Variants in KLHL1 observed in about 807,000 individuals in gnomAD.
KLHL1 encodes the protein kelch like family member 1.
In KLHL1, 47 loss-of-function variants were observed where a neutral mutation model predicts 77.7. The ratio of observed to expected loss-of-function variants is 0.60; its 90% CI spans 0.48 to 0.77. The LOEUF (loss-of-function observed/expected upper bound fraction) is 0.77, where lower values mean the gene tolerates loss of function less well. Among genes scored for constraint, KLHL1 ranks in the 30% least tolerant of loss-of-function variants. KLHL1 has a pLI of 0.00. For missense variants in KLHL1, 925 were observed against 910.8 expected (o/e 1.02, Z -0.20); for synonymous variants, 360 against 325.2 (o/e 1.11, Z -1.15).
rs372280755 is a variant in KLHL1, at chr13:70,085,065, T to C, written c.497+22138A>G. ...TGAAGATGCTAAAATCATATATCCG[T>C]ATGTGACCATAAATATGGTGTATAA... On this transcript the variant is annotated intron_variant, in intron 1 of 10. Transcript: ENST00000377844. Among the ~76,000 whole-genome samples, 43 of 152,242 alleles carry C rather than the reference T, an allele frequency of 2.8e-4. No individual in the cohort carries two copies. The South Asian group carries it at 7.5e-3, about 26-fold the overall frequency.
chr13:70,071,042 G>A (rs987891374), intron 1 of KLHL1, among the ~76,000 whole-genome samples: 1 of 151,658 alleles, frequency 6.6e-6, no homozygotes, highest in African/African-American at 2.4e-5. Context: ...TTACAAACAT[G>A]GTAGGTAGAA....
chr13:69,825,287 C>G (rs1439164569), intron 6 of KLHL1, among the ~76,000 whole-genome samples: 1 of 151,972 alleles, frequency 6.6e-6, no homozygotes, highest in Non-Finnish European at 1.5e-5. Flanking sequence ...AGAAAGACAT[C>G]AAGCATAAAG....
chr13:69,761,082 T>C (rs1195146446), intron 7 of KLHL1, among the ~76,000 whole-genome samples: 1 of 152,196 alleles, frequency 6.6e-6, no homozygotes. Context: ...ATCCCACTTC[T>C]GGCACCATCT....
intron 4 of KLHL1, among the ~76,000 whole-genome samples, chr13:69,920,921 T>C (rs1882611803): frequency 6.6e-6 from 1 of 152,204 alleles, no homozygotes; most frequent in Non-Finnish European, 1.5e-5. Context: ...TAAGCAGTCA[T>C]AAATGCTAAC....
chr13:70,043,402 T>C (rs1430646712), intron 1 of KLHL1, among the ~76,000 whole-genome samples: 3 of 152,154 alleles, frequency 2.0e-5, no homozygotes, highest in Non-Finnish European at 4.4e-5. Context: ...ATCAATTTAT[T>C]ATTGAAGAAA....
At chr13:69,975,881 C>T (rs545271712) in intron 1 of KLHL1, 79 bp from the exon 2 acceptor site, 28 of 1,410,644 alleles carry the variant, frequency 2.0e-5, no homozygotes, top group Admixed American at 6.1e-5. Context: ...GAATAACATA[C>T]AGGTTTTTAT....
intron 2 of KLHL1, among the ~76,000 whole-genome samples, 195 bp downstream of exon 2, chr13:69,975,425 G>T (rs768069252): frequency 3.1e-4 from 47 of 151,884 alleles, no homozygotes; most frequent in Admixed American, 5.9e-4. Flanking sequence ...ACCTAAAGTA[G>T]CATTTCAACT....
chr13:69,991,920 G>T (rs1270934877), intron 1 of KLHL1, among the ~76,000 whole-genome samples: 1 of 151,976 alleles, frequency 6.6e-6, no homozygotes, highest in Non-Finnish European at 1.5e-5. Flanking sequence ...TGCACAAAAT[G>T]TACTTTCCAT....
chr13:69,932,708 T>TAG (rs977928849), intron 4 of KLHL1, among the ~76,000 whole-genome samples: 16 of 151,876 alleles, frequency 1.1e-4, no homozygotes, highest in African/African-American at 3.9e-4. Flanking sequence ...CAGCTTTATA[T>TAG]AGCTATGTGT....
chr13:69,810,537 G>A (rs961382509), intron 6 of KLHL1, among the ~76,000 whole-genome samples: 2 of 151,896 alleles, frequency 1.3e-5, no homozygotes, highest in Middle Eastern at 3.4e-3. Flanking sequence ...GCAAAAGCAA[G>A]GTTAACAACA....
intron 6 of KLHL1, among the ~76,000 whole-genome samples, chr13:69,817,074 G>A (rs1878151482): frequency 6.6e-6 from 1 of 152,004 alleles, no homozygotes; most frequent in Non-Finnish European, 1.5e-5. Flanking sequence ...AATGCTTACT[G>A]AACATAAACT....
chr13:69,904,976 T>G (rs1881999348), intron 4 of KLHL1, among the ~76,000 whole-genome samples: 1 of 152,106 alleles, frequency 6.6e-6, no homozygotes, highest in Non-Finnish European at 1.5e-5. Context: ...TCTGCAAAAC[T>G]AACTATATCA....
intron 4 of KLHL1, among the ~76,000 whole-genome samples, chr13:69,914,394 G>A (rs1429734053): frequency 6.6e-6 from 1 of 151,942 alleles, no homozygotes; most frequent in African/African-American, 2.4e-5. Flanking sequence ...TTGTCTCCAT[G>A]GAATAGACAC....
chr13:69,861,792 A>T, intron 5 of KLHL1, among the ~76,000 whole-genome samples: 1 of 147,288 alleles, frequency 6.8e-6, no homozygotes, highest in Non-Finnish European at 1.5e-5. Context: ...TACTAAAAAA[A>T]AAAAAAAAAA....
At chr13:69,750,488 G>A (rs1432070270) in intron 7 of KLHL1, among the ~76,000 whole-genome samples, 4 of 150,520 alleles carry the variant, frequency 2.7e-5, no homozygotes, top group Non-Finnish European at 5.9e-5. Context: ...TTTCCAGTGA[G>A]ATATTAAATA....
At chr13:69,911,297 G>C (rs998231536) in intron 4 of KLHL1, among the ~76,000 whole-genome samples, 1 of 151,950 alleles carries the variant, frequency 6.6e-6, no homozygotes, top group African/African-American at 2.4e-5. Context: ...CTGCATGTTG[G>C]GAGAAAATCA....
intron 1 of KLHL1, among the ~76,000 whole-genome samples, chr13:69,979,948 T>A (rs1884659971): frequency 1.3e-5 from 2 of 152,202 alleles, no homozygotes; most frequent in South Asian, 4.1e-4. Context: ...ACCCTCCAAA[T>A]ACTCCTTAAT....
intron 1 of KLHL1, among the ~76,000 whole-genome samples, chr13:70,101,395 G>T (rs1887917952): frequency 6.6e-6 from 1 of 151,660 alleles, no homozygotes; most frequent in Admixed American, 6.6e-5. Flanking sequence ...CTGGAGTTTT[G>T]GGTACCTGAA....
chr13:69,946,715 G>C (rs1225541448), intron 3 of KLHL1, among the ~76,000 whole-genome samples: 1 of 152,022 alleles, frequency 6.6e-6, no homozygotes, highest in Non-Finnish European at 1.5e-5. Context: ...GTGTTGCTAT[G>C]TTGCCCAGGC....
Sources: allele counts gnomAD v4.1 joint callset (sites outside exome capture counted in the v4.1 genomes callset), GRCh38; gene constraint gnomAD v4.1.1; transcripts MANE v1.5; gene names NCBI Gene and HGNC (gene_info 2026-07-23, HGNC 2026-07-21).